Variants in NOS1AP observed in about 807,000 individuals in gnomAD.
The protein encoded by NOS1AP is nitric oxide synthase 1 adaptor protein.
In NOS1AP, 21 loss-of-function variants were observed where a neutral mutation model predicts 56.2. The observed-to-expected ratio is 0.37, with a 90% CI of 0.26 to 0.54. The LOEUF is 0.54. NOS1AP is among the 20% of genes least tolerant of loss of function. The pLI, the probability that NOS1AP is intolerant of heterozygous loss-of-function variation, is 0.84. For missense variants in NOS1AP, 522 were observed against 657.8 expected (o/e 0.79, Z 2.26); for synonymous variants, 270 against 274.6 (o/e 0.98, Z 0.17).
chr1:162,157,108 T>A (rs1421559721), intron 2 of NOS1AP: 1 of 154,576 alleles, frequency 6.5e-6, no homozygotes, highest in African/African-American at 2.4e-5. Context: ...GGTATGGGGC[T>A]GGCTGGTTGT....
chr1:162,097,189 G>T (rs1692263750), intron 1 of NOS1AP, among the ~76,000 whole-genome samples: 1 of 150,122 alleles, frequency 6.7e-6, no homozygotes, highest in Admixed American at 6.7e-5. Flanking sequence ...ATGTGTATTG[G>T]TCATTATGTT....
At chr1:162,101,322 C>T (rs1305812854) in intron 1 of NOS1AP, among the ~76,000 whole-genome samples, 1 of 152,132 alleles carries the variant, frequency 6.6e-6, no homozygotes, top group Non-Finnish European at 1.5e-5. Context: ...CAGTACCATG[C>T]TGTTTTGATT....
chr1:162,072,549 G>A (rs1265504985), intron 1 of NOS1AP, among the ~76,000 whole-genome samples: 2 of 152,194 alleles, frequency 1.3e-5, no homozygotes, highest in Non-Finnish European at 2.9e-5. Flanking sequence ...AGGGGACCAA[G>A]GATCCTTCTT....
chr1:162,236,679 G>A (rs1186524288), intron 2 of NOS1AP, among the ~76,000 whole-genome samples: 1 of 152,172 alleles, frequency 6.6e-6, no homozygotes, highest in Non-Finnish European at 1.5e-5. Flanking sequence ...TGGGGGATGG[G>A]GGGGCAGGTG....
chr1:162,273,249 C>T (rs1304381313), intron 2 of NOS1AP, among the ~76,000 whole-genome samples: 7 of 150,672 alleles, frequency 4.6e-5, no homozygotes, highest in Non-Finnish European at 7.4e-5. Context: ...CTGCAAGCTC[C>T]GCCTCCCGGG....
chr1:162,240,378 TC>T (rs1243904869), intron 2 of NOS1AP, among the ~76,000 whole-genome samples: 1 of 152,164 alleles, frequency 6.6e-6, no homozygotes, highest in Non-Finnish European at 1.5e-5. Flanking sequence ...TTCAGTGCCT[TC>T]TGAACGGTTC....
At chr1:162,294,494 G>A (rs1285026817) in intron 3 of NOS1AP, among the ~76,000 whole-genome samples, 2 of 152,194 alleles carry the variant, frequency 1.3e-5, no homozygotes, top group Non-Finnish European at 2.9e-5. Flanking sequence ...CTGGAGGTCT[G>A]TGGTGTACAC....
chr1:162,336,032 G>A (rs1422786192), intron 5 of NOS1AP, among the ~76,000 whole-genome samples: 1 of 152,038 alleles, frequency 6.6e-6, no homozygotes, highest in African/African-American at 2.4e-5. Flanking sequence ...TTTTCAAGTG[G>A]GCTTTCACCA....
chr1:162,287,260 T>C (rs1655118694), intron 2 of NOS1AP, 84 bp from the exon 3 acceptor site: 2 of 1,002,406 alleles, frequency 2.0e-6, no homozygotes, highest in East Asian at 2.4e-5. Flanking sequence ...GGGACCTTTT[T>C]TCCAGGCATG....
At chr1:162,102,274 A>G (rs1376433007) in intron 1 of NOS1AP, among the ~76,000 whole-genome samples, 4 of 152,168 alleles carry the variant, frequency 2.6e-5, no homozygotes, top group Admixed American at 2.6e-4. Context: ...TGTTGAACCA[A>G]TCTTGCATCC....
chr1:162,282,558 G>C (rs12023402), intron 2 of NOS1AP, among the ~76,000 whole-genome samples: 43,882 of 152,060 alleles, frequency 0.29, 6,756 homozygotes, highest in East Asian at 0.59. Context: ...TTTTTAGACT[G>C]TCACATCACA....
At chr1:162,194,101 G>A (rs1651726392) in intron 2 of NOS1AP, among the ~76,000 whole-genome samples, 1 of 152,096 alleles carries the variant, frequency 6.6e-6, no homozygotes, top group Non-Finnish European at 1.5e-5. Flanking sequence ...AAATATCCCA[G>A]ATATATCTGC....
At chr1:162,093,407 G>A (rs1226967326) in intron 1 of NOS1AP, among the ~76,000 whole-genome samples, 1 of 152,134 alleles carries the variant, frequency 6.6e-6, no homozygotes, top group Non-Finnish European at 1.5e-5. Context: ...GGACTTTTTA[G>A]AATTATTTTG....
At chr1:162,081,774 A>ATATTTTTTTTTTTTTTTTTTTTTT in intron 1 of NOS1AP, among the ~76,000 whole-genome samples, 17 of 44,052 alleles carry the variant, frequency 3.9e-4, no homozygotes, top group African/African-American at 1.2e-3. Context: ...ATATATATAT[A>ATATTTTTTTTTTTTTTTTTTTTTT]TTTTTTTTTT....
chr1:162,274,380 G>A (rs766098707), intron 2 of NOS1AP, among the ~76,000 whole-genome samples: 5 of 152,138 alleles, frequency 3.3e-5, no homozygotes, highest in East Asian at 1.9e-4. Context: ...AATGATAACC[G>A]CCTGTAAAAA....
Position 162,355,342 on chromosome 1 carries a change from A to G in NOS1AP, c.751A>G (p.Thr251Ala). 6.2e-7 allele frequency: 1 copy of G among 1,614,100 alleles called. No individual in the cohort carries two copies. Among genetic ancestry groups the G allele is most frequent in the Non-Finnish European group, 8.5e-7 (1 of 1,180,022 alleles). Residue 251 changes from threonine to alanine, a missense_variant, in exon 7 of 10, where the codon ACA becomes GCA. Coordinates refer to ENST00000361897, the MANE Select transcript of NOS1AP (RefSeq NM_014697.3). ...DAVGKEGGSH[T>A]GSKVSHPQEP... The stretch of plus-strand genomic sequence containing the variant: ...TGTAGGGAAGGAAGGAGGCTCTCAC[A>G]CAGGCTCCAAGGTAGGCAAGAGATG...
intron 4 of NOS1AP, among the ~76,000 whole-genome samples, chr1:162,324,587 G>A (rs563619896): frequency 1.4e-4 from 22 of 152,212 alleles, no homozygotes; most frequent in Non-Finnish European, 2.4e-4. Context: ...TAACAGCTGT[G>A]AAATTAAAAC....
intron 2 of NOS1AP, among the ~76,000 whole-genome samples, chr1:162,214,780 A>G (rs1652500589): frequency 6.6e-6 from 1 of 152,178 alleles, no homozygotes; most frequent in South Asian, 2.1e-4. Flanking sequence ...GGAAATAGCT[A>G]CTATTTTCTT....
intron 9 of NOS1AP, among the ~76,000 whole-genome samples, chr1:162,366,737 A>G (rs1658097584): frequency 6.6e-6 from 1 of 152,166 alleles, no homozygotes; most frequent in Admixed American, 6.5e-5. Context: ...GGCTTCTAAC[A>G]TGGTTCTCTC....
Sources: gnomAD v4.1 joint callset for allele counts (sites outside exome capture counted in the v4.1 genomes callset) on GRCh38, gnomAD v4.1.1 for gene constraint, MANE v1.5 for transcripts, NCBI Gene and HGNC (gene_info 2026-07-23, HGNC 2026-07-21) for gene names.